Variants in ZNF385B observed in about 807,000 individuals in gnomAD.
ZNF385B encodes zinc finger protein 533.
Under a neutral mutation model 39.2 loss-of-function variants are expected in ZNF385B, and 23 were observed. The ratio of observed to expected loss-of-function variants is 0.59; its 90% CI spans 0.42 to 0.83. ZNF385B has a LOEUF of 0.83. Among genes scored for constraint, ZNF385B ranks in the 40% least tolerant of loss-of-function variants. The pLI, the probability that ZNF385B is intolerant of heterozygous loss-of-function variation, is 0.00. For missense variants in ZNF385B, 552 were observed against 598.9 expected (o/e 0.92, Z 0.82); for synonymous variants, 205 against 222.6 (o/e 0.92, Z 0.70).
chr2:179,755,746 G>T (rs1409736618), intron 3 of ZNF385B, among the ~76,000 whole-genome samples: 1 of 152,104 alleles, frequency 6.6e-6, no homozygotes, highest in Non-Finnish European at 1.5e-5. Flanking sequence ...CGGAGACTAG[G>T]ATTGCAACCC....
At chr2:179,702,016 A>G (rs146580968) in intron 3 of ZNF385B, among the ~76,000 whole-genome samples, 12 of 152,328 alleles carry the variant, frequency 7.9e-5, no homozygotes, top group Non-Finnish European at 1.8e-4. Context: ...AGCAGTGCCC[A>G]AAGAGACCAG....
chr2:179,672,092 C>G (rs1348842678), intron 3 of ZNF385B, among the ~76,000 whole-genome samples: 1 of 152,254 alleles, frequency 6.6e-6, no homozygotes, highest in East Asian at 1.9e-4. Flanking sequence ...CAGATCCAAC[C>G]TCTGCCCCAA....
chr2:179,520,332 A>G (rs1458511024), intron 4 of ZNF385B, among the ~76,000 whole-genome samples: 1 of 152,120 alleles, frequency 6.6e-6, no homozygotes, highest in African/African-American at 2.4e-5. Context: ...AAACCTTCTT[A>G]ACATTATTAT....
At chr2:179,829,904 C>G (rs912491727) in intron 1 of ZNF385B, among the ~76,000 whole-genome samples, 1 of 152,142 alleles carries the variant, frequency 6.6e-6, no homozygotes, top group African/African-American at 2.4e-5. Flanking sequence ...AAAACTTTGG[C>G]TCTGAGAAGA....
intron 1 of ZNF385B, among the ~76,000 whole-genome samples, chr2:179,826,577 C>G (rs1707694654): frequency 6.6e-6 from 1 of 152,110 alleles, no homozygotes; most frequent in African/African-American, 2.4e-5. Context: ...AGCACTCTCC[C>G]TTAAAGCAGG....
At chr2:179,616,436 C>T (rs1028573339) in intron 3 of ZNF385B, among the ~76,000 whole-genome samples, 6 of 152,102 alleles carry the variant, frequency 3.9e-5, no homozygotes, top group African/African-American at 9.7e-5. Context: ...CAGGTACAAA[C>T]GATTCTCTCG....
intron 3 of ZNF385B, among the ~76,000 whole-genome samples, chr2:179,590,778 C>T (rs1023482167): frequency 4.6e-5 from 7 of 151,946 alleles, no homozygotes; most frequent in African/African-American, 9.7e-5. Context: ...GTTTCCTTTG[C>T]GCTCCCTCTC....
chr2:179,505,342 G>C (rs2057160939), intron 5 of ZNF385B, among the ~76,000 whole-genome samples: 1 of 151,750 alleles, frequency 6.6e-6, no homozygotes, highest in African/African-American at 2.4e-5. Flanking sequence ...TTTTAGTTTA[G>C]CAGTGTATAT....
At chr2:179,802,861 A>G (rs1425775454) in intron 1 of ZNF385B, among the ~76,000 whole-genome samples, 1 of 152,124 alleles carries the variant, frequency 6.6e-6, no homozygotes, top group Non-Finnish European at 1.5e-5. Context: ...ACTGCTACCC[A>G]AAAGGTTTGG....
intron 5 of ZNF385B, among the ~76,000 whole-genome samples, chr2:179,493,810 C>CAT (rs1360619869): frequency 1.4e-3 from 49 of 35,610 alleles, no homozygotes; most frequent in African/African-American, 3.5e-3. Context: ...TGTATATATA[C>CAT]ATATATATAT....
intron 5 of ZNF385B, among the ~76,000 whole-genome samples, chr2:179,494,572 C>T (rs1242501774): frequency 6.6e-6 from 1 of 151,970 alleles, no homozygotes; most frequent in Non-Finnish European, 1.5e-5. Context: ...TTATGTTCAG[C>T]TAGCTAGCAA....
At chr2:179,746,752 A>G (rs1251574417) in intron 3 of ZNF385B, among the ~76,000 whole-genome samples, 1 of 152,126 alleles carries the variant, frequency 6.6e-6, no homozygotes, top group Non-Finnish European at 1.5e-5. Flanking sequence ...CTAAAATATA[A>G]GATGCAAGAG....
intron 4 of ZNF385B, among the ~76,000 whole-genome samples, chr2:179,529,620 A>G (rs1176972372): frequency 6.6e-6 from 1 of 152,238 alleles, no homozygotes; most frequent in Non-Finnish European, 1.5e-5. Context: ...CAGGGAATTA[A>G]TAAGAATTTA....
At chr2:179,451,279 G>A (rs1324914304) in intron 6 of ZNF385B, among the ~76,000 whole-genome samples, 1 of 150,512 alleles carries the variant, frequency 6.6e-6, no homozygotes, top group Non-Finnish European at 1.5e-5. Context: ...AAGAAAATGA[G>A]TGGGAAGAAA....
At chr2:179,554,597 T>C (rs957204776) in intron 3 of ZNF385B, among the ~76,000 whole-genome samples, 1 of 148,978 alleles carries the variant, frequency 6.7e-6, no homozygotes, top group Non-Finnish European at 1.5e-5. Flanking sequence ...ATGTTAATCA[T>C]AAAAGAAAAA....
At chr2:179,683,159 G>A (rs947817153) in intron 3 of ZNF385B, among the ~76,000 whole-genome samples, 50 of 152,028 alleles carry the variant, frequency 3.3e-4, no homozygotes, top group Admixed American at 5.9e-4. Flanking sequence ...AGGCCGAGGC[G>A]GGCGGATCAC....
chr2:179,850,071 T>C (rs185033028), intron 1 of ZNF385B, among the ~76,000 whole-genome samples: 2 of 152,270 alleles, frequency 1.3e-5, no homozygotes, highest in Admixed American at 6.5e-5. Flanking sequence ...CTGTGGCATA[T>C]AGTAGGTGTT....
intron 1 of ZNF385B, among the ~76,000 whole-genome samples, chr2:179,786,798 A>G (rs1200155530): frequency 1.3e-5 from 2 of 151,616 alleles, no homozygotes; most frequent in Non-Finnish European, 2.9e-5. Context: ...CCTTAGGATA[A>G]GTTTTTGGAA....
chr2:179,645,320 T>C (rs1458239290), intron 3 of ZNF385B, among the ~76,000 whole-genome samples: 5 of 152,232 alleles, frequency 3.3e-5, no homozygotes, highest in Admixed American at 3.3e-4. Flanking sequence ...GGGCTGGCTC[T>C]TAACCCATTT....
Sources: allele counts gnomAD v4.1 joint callset (sites outside exome capture counted in the v4.1 genomes callset), GRCh38; gene constraint gnomAD v4.1.1; transcripts MANE v1.5; gene names NCBI Gene and HGNC (gene_info 2026-07-23, HGNC 2026-07-21).